The following TMPRSS7 variants were observed in gnomAD, a reference collection of about 807,000 sequenced individuals.
The protein encoded by TMPRSS7 is transmembrane protease serine 7.
TMPRSS7 carries 81 observed loss-of-function variants against 95.6 expected under a neutral mutation model. The ratio of observed to expected loss-of-function variants is 0.85; its 90% CI spans 0.71 to 1.02. The LOEUF is 1.02. Ranked by LOEUF, TMPRSS7 falls within the 50% of genes least tolerant of loss-of-function variation. The pLI is 0.00. For synonymous variants in TMPRSS7, 364 were observed against 337.8 expected, an observed-to-expected ratio of 1.08 and a Z score of -0.85; for missense variants, 945 against 955.2, an observed-to-expected ratio of 0.99 and a Z score of 0.14.
chr3:112,050,522 G>GAAAAAAAAAAAAAC (rs2073331309), intron 8 of TMPRSS7, 149 bp from the exon 9 acceptor site: 5 of 169,122 alleles, frequency 3.0e-5, no homozygotes, highest in Non-Finnish European at 4.2e-5. Context: ...CCTTTCTTCT[G>GAAAAAAAAAAAAAC]AAAAAAAAAA....
At chr3:112,077,207 T>G (rs1198759547) in intron 16 of TMPRSS7, 63 bp downstream of exon 16, 11 of 1,552,616 alleles carry the variant, frequency 7.1e-6, no homozygotes. Flanking sequence ...GTTTATGTAG[T>G]GCTTTAGGGT....
At chr3:112,047,336 C>A in intron 6 of TMPRSS7, 1 of 596,402 alleles carries the variant, frequency 1.7e-6, no homozygotes. Context: ...CAAGCAGATC[C>A]AAACTTATAA....
At chr3:112,044,112 C>A in intron 3 of TMPRSS7, 143 bp from the exon 4 acceptor site, 1 of 568,118 alleles carries the variant, frequency 1.8e-6, no homozygotes, top group South Asian at 2.4e-5. Flanking sequence ...AGAAATAATG[C>A]CGGGGTGTGG....
chr3:112,077,827 G>A (rs1253578659), intron 16 of TMPRSS7, among the ~76,000 whole-genome samples: 2 of 152,102 alleles, frequency 1.3e-5, no homozygotes, highest in Admixed American at 1.3e-4. Context: ...ATTCAAGGTG[G>A]GATTCTGAAT....
chr3:112,078,712 C>T lies in TMPRSS7; in HGVS notation c.2225-30C>T, dbSNP rs1399820933. 11 of 1,613,344 alleles carry T rather than the reference C, an allele frequency of 6.8e-6. No individual in the cohort carries two copies. In the African/African-American group the frequency reaches 1.3e-4, roughly 20 times the overall value. The stretch of plus-strand genomic sequence containing the variant: ...GAATACATGCGGCCATTACCACTAA[C>T]ATCATTTCTACTTCCAATGTGTTTT... On this transcript the variant is annotated intron_variant, in intron 16 of 17. Transcript: ENST00000452346.
intron 7 of TMPRSS7, among the ~76,000 whole-genome samples, 161 bp from the exon 8 acceptor site, chr3:112,049,683 G>T (rs181352088): frequency 1.3e-5 from 2 of 152,196 alleles, no homozygotes; most frequent in Admixed American, 6.5e-5. Flanking sequence ...GTAGTGCTCT[G>T]TGGCTACTAA....
In TMPRSS7 at chr3:112,062,016, A is replaced by G. The variant is rs1386463073; in HGVS notation, c.1447+93A>G. 7.4e-6 allele frequency: 7 copies of G among 945,856 alleles called. No homozygotes were observed. In the South Asian group the frequency reaches 1.2e-4, roughly 16 times the overall value. The allele number at this position is 945,856 out of a possible 1,614,324, so 58.6% of individuals were successfully genotyped here. A position where few individuals can be genotyped will look rare whatever the true frequency, so the allele number is the denominator to read the frequency against. ...AACCGTGAGAATTTAAGAAATGAAT[A>G]CTGCTTTATTTCTGCTATTTCCTTT... On this transcript the variant is annotated intron_variant, in intron 11 of 17. Coordinates refer to ENST00000452346, the Ensembl canonical transcript of TMPRSS7.
rs2073172101 is a variant in TMPRSS7, at chr3:112,038,428, T to C, written c.298+107T>C. On this transcript the variant is annotated intron_variant, in intron 2 of 17. Transcript: ENST00000452346. ...AGGTATTTCTGATGGGATTTTCCTT[T>C]TTCCAATATGGATACACCATTTCCA... 1.1e-4 allele frequency: 69 copies of C among 612,316 alleles called. 1 individual carries two copies. The South Asian group carries it at 1.3e-3, about 11-fold the overall frequency. 37.9% of individuals were successfully genotyped at this position (612,316 alleles called of 1,614,324 possible).
At chr3:112,057,931 G>A (rs2107749565) in intron 10 of TMPRSS7, among the ~76,000 whole-genome samples, 1 of 152,136 alleles carries the variant, frequency 6.6e-6, no homozygotes, top group Non-Finnish European at 1.5e-5. Flanking sequence ...TTGCCATGTT[G>A]GCCGGGCTGG....
chr3:112,066,257 G>A (rs2073573345), intron 12 of TMPRSS7, 135 bp from the exon 13 acceptor site: 1 of 665,170 alleles, frequency 1.5e-6, no homozygotes, highest in South Asian at 2.2e-5. Context: ...GGAAGTGTCA[G>A]TTTTGAGGAA....
Position 112,066,408 on chromosome 3 carries a change from C to T in TMPRSS7, c.1572C>T (p.Ala524=), listed in dbSNP as rs1347050973. 3 of 1,613,974 alleles carry T rather than the reference C, an allele frequency of 1.9e-6. No individual in the cohort carries two copies. The South Asian group carries it at 3.3e-5, about 18-fold the overall frequency. Residue 524 remains alanine (A), a synonymous_variant, in exon 13 of 18, where the codon GCC becomes GCT. Coordinates refer to ENST00000452346, the Ensembl canonical transcript of TMPRSS7. ...TTATTCTAGTGAGCCCTCAACCTGC[C>T]TGCAATACCAGCTCCTTCAGGCAGC...
intron 13 of TMPRSS7, among the ~76,000 whole-genome samples, chr3:112,073,360 C>T (rs747677150): frequency 6.6e-6 from 1 of 152,164 alleles, no homozygotes; most frequent in Non-Finnish European, 1.5e-5. Context: ...TCCCAAAGTG[C>T]TGGGATTACA....
In TMPRSS7 at chr3:112,047,727, C is replaced by A. The variant is rs780800032; in HGVS notation, c.731-12C>A. 10 of 1,563,046 alleles carry A rather than the reference C, an allele frequency of 6.4e-6. No individual in the cohort carries two copies. Among genetic ancestry groups the A allele is most frequent in the Non-Finnish European group, 8.8e-6 (10 of 1,142,304 alleles). ...AAAAAGAAAATAAAGGAAAATGGTG[C>A]TGTCTCCACAGACAAAGGCTGCTCT... On this transcript the variant is annotated splice_polypyrimidine_tract_variant and intron_variant, in intron 6 of 17. Transcript: ENST00000452346.
At chr3:112,062,397 A>G (rs933010745) in intron 11 of TMPRSS7, among the ~76,000 whole-genome samples, 25 of 152,230 alleles carry the variant, frequency 1.6e-4, no homozygotes, top group Admixed American at 1.6e-3. Context: ...TTTGAAATTC[A>G]TACTGAAAAC....
At chr3:112,050,680 A>T in exon 9 of TMPRSS7, 1 of 1,595,626 alleles carries the variant, frequency 6.3e-7, no homozygotes, top group Non-Finnish European at 8.5e-7. Flanking sequence ...GAGTGTGAAA[A>T]CACAGTGTTG....
chr3:112,056,074 G>A (rs923873406), intron 9 of TMPRSS7, among the ~76,000 whole-genome samples: 11 of 152,124 alleles, frequency 7.2e-5, no homozygotes, highest in Admixed American at 7.2e-4. Flanking sequence ...GCAAAGAAGT[G>A]GGCAATGCTT....
chr3:112,061,130 A>ATAAT (rs2073499658), intron 10 of TMPRSS7, among the ~76,000 whole-genome samples: 1 of 152,174 alleles, frequency 6.6e-6, no homozygotes, highest in African/African-American at 2.4e-5. Context: ...GGCCTGCAAT[A>ATAAT]TAATAATACT....
At chr3:112,077,235 G>A (rs1045951812) in intron 16 of TMPRSS7, 91 bp downstream of exon 16, 3 of 1,427,054 alleles carry the variant, frequency 2.1e-6, no homozygotes, top group East Asian at 2.3e-5. Context: ...GAGGGTTTGT[G>A]TATATGATCT....
intron 10 of TMPRSS7, among the ~76,000 whole-genome samples, chr3:112,058,558 A>T (rs986961597): frequency 3.9e-5 from 6 of 152,216 alleles, no homozygotes; most frequent in Non-Finnish European, 1.5e-5. Flanking sequence ...GAATAACAAG[A>T]TTGTTTTTGA....
Sources: gnomAD v4.1 joint callset for allele counts (sites outside exome capture counted in the v4.1 genomes callset) on GRCh38, gnomAD v4.1.1 for gene constraint, MANE v1.5 for transcripts, NCBI Gene and HGNC (gene_info 2026-07-23, HGNC 2026-07-21) for gene names.